DCDC1: variants seen among roughly 807,000 people sequenced by gnomAD.
The protein encoded by DCDC1 is doublecortin domain containing 1, also known as doublecortin domain-containing protein 1.
In DCDC1, 200 loss-of-function variants were observed where a neutral mutation model predicts 178.3. That is an observed-to-expected ratio of 1.12 (90% CI 1.00 to 1.26). The LOEUF (loss-of-function observed/expected upper bound fraction) is 1.26, where lower values mean the gene tolerates loss of function less well. Ranked by LOEUF, DCDC1 falls within the 50% of genes most tolerant of loss-of-function variation. DCDC1 has a pLI of 0.00. For synonymous variants in DCDC1, 690 were observed against 604.8 expected, an observed-to-expected ratio of 1.14 and a Z score of -2.07; for missense variants, 1,983 against 1,749.2, an observed-to-expected ratio of 1.13 and a Z score of -2.38.
At chr11:30,997,776 T>G (rs974497878) in intron 20 of DCDC1, among the ~76,000 whole-genome samples, 12 of 152,016 alleles carry the variant, frequency 7.9e-5, no homozygotes, top group Admixed American at 5.9e-4. Flanking sequence ...CATATCAGAA[T>G]AAACTCATGT....
chr11:31,306,128 G>T, intron 5 of DCDC1, 104 bp downstream of exon 5: 3 of 1,147,544 alleles, frequency 2.6e-6, no homozygotes, highest in Non-Finnish European at 3.4e-6. Context: ...GGTAGATTCA[G>T]ATTCTCAAAA....
At chr11:31,168,930 A>C (rs528205014) in intron 9 of DCDC1, among the ~76,000 whole-genome samples, 14 of 152,320 alleles carry the variant, frequency 9.2e-5, no homozygotes, top group Admixed American at 3.3e-4. Flanking sequence ...TTGAGTATTA[A>C]AAGAAGACTA....
At chr11:31,169,787 T>C (rs570031881) in intron 9 of DCDC1, among the ~76,000 whole-genome samples, 2 of 152,178 alleles carry the variant, frequency 1.3e-5, no homozygotes, top group Non-Finnish European at 2.9e-5. Context: ...AAGAGAAATG[T>C]ACACAAATCA....
rs959293096 is a variant in DCDC1, at chr11:30,864,330, C to T, written c.*1043G>A. The T allele has an allele frequency of 4.6e-5, 7 of 152,160 alleles. No individual in the cohort carries two copies. The highest frequency in any genetic ancestry group is 1.7e-4 in the African/African-American group (7 of 41,426). The allele number at this position is 152,160 out of a possible 1,614,324, so 9.4% of individuals were successfully genotyped here. A position where few individuals can be genotyped will look rare whatever the true frequency, so the allele number is the denominator to read the frequency against. Reference sequence around the variant, plus strand: ...GGGATTTGAAACCAATATGTATAATCATCAAAGATATATTTTAAGGATATA... The same window carrying T: ...GGGATTTGAAACCAATATGTATAATTATCAAAGATATATTTTAAGGATATA... On this transcript the variant is annotated 3_prime_UTR_variant, in exon 39 of 39. Coordinates refer to ENST00000684477, the MANE Select transcript of DCDC1 (RefSeq NM_001387274.1).
intron 20 of DCDC1, among the ~76,000 whole-genome samples, chr11:30,965,652 C>T (rs1424174135): frequency 1.4e-5 from 2 of 144,994 alleles, no homozygotes; most frequent in Non-Finnish European, 1.5e-5. Context: ...GCACATTGTG[C>T]AGGTTAGTTA....
rs1257866836 is a variant in DCDC1 at position 31,064,473 on chromosome 11, G to C, written c.2587C>G (p.Gln863Glu). Residue 863 changes from glutamine to glutamate, a missense_variant, in exon 20 of 39, where the codon CAG becomes GAG. Physicochemically the swap from Gln to Glu is conservative, Grantham distance 29. Coordinates refer to ENST00000684477, the MANE Select transcript of DCDC1 (RefSeq NM_001387274.1). ...LEEKHPKASA[Q>E]RWAIKHEGTS... is the part of the protein sequence containing the mutation. ...TCAGTTCTGTCAGTACCCTACCTCT[G>C]AGCAGAAGCCTTAGGATGTTTCTCT... is the stretch of plus-strand genomic sequence containing the variant. 4 of 765,194 alleles carry C rather than the reference G, an allele frequency of 5.2e-6. No homozygotes were observed. The highest frequency in any genetic ancestry group is 9.6e-6 in the Non-Finnish European group (4 of 417,122). 47.4% of individuals were successfully genotyped at this position (765,194 alleles called of 1,614,324 possible). A position where few individuals can be genotyped will look rare whatever the true frequency, so the allele number is the denominator to read the frequency against.
chr11:30,864,107 A>G lies in DCDC1; in HGVS notation c.*1266T>C, dbSNP rs904382234. On this transcript the variant is annotated 3_prime_UTR_variant, in exon 39 of 39. Transcript: ENST00000684477. ...GCGCCACTGAACTCCAGACTGGGCA[A>G]CAGAGTGAGACTCCATCTCAAAAAA... The G allele has an allele frequency of 6.6e-6, 1 of 152,148 alleles. No individual in the cohort carries two copies. The highest frequency in any genetic ancestry group is 1.5e-5 in the Non-Finnish European group (1 of 68,058). The allele number at this position is 152,148 out of a possible 1,614,324, so 9.4% of individuals were successfully genotyped here.
intron 1 of DCDC1, among the ~76,000 whole-genome samples, chr11:31,363,124 T>C (rs1050151915): frequency 4.6e-5 from 7 of 152,248 alleles, no homozygotes; most frequent in African/African-American, 1.7e-4. Flanking sequence ...AATTTGAGCA[T>C]AGTAATATTA....
At chr11:31,154,698 T>A (rs1050213202) in intron 9 of DCDC1, among the ~76,000 whole-genome samples, 3 of 152,144 alleles carry the variant, frequency 2.0e-5, no homozygotes, top group South Asian at 4.1e-4. Flanking sequence ...GTGCAATATA[T>A]AAATATAAAT....
chr11:31,206,015 T>G (rs906469279), intron 9 of DCDC1, among the ~76,000 whole-genome samples: 5 of 152,184 alleles, frequency 3.3e-5, no homozygotes, highest in African/African-American at 7.2e-5. Flanking sequence ...TTCCCACCTA[T>G]CACTGTCCCC....
At position 30,941,950 on chromosome 11, in the gene DCDC1, T is replaced by G. The variant is rs191614848; in HGVS notation, c.2716-9998A>C. 2.7e-3 allele frequency among the ~76,000 whole-genome samples: 414 copies of G among 152,302 alleles called. 3 individuals are homozygous for G. Among genetic ancestry groups the G allele is most frequent in the Non-Finnish European group, 4.8e-3 (324 of 68,032 alleles). On this transcript the variant is annotated intron_variant, in intron 21 of 38. Transcript: ENST00000684477. ...TATATTTTTACTAGAATATCTTGCT[T>G]GGTAAACATGTTAACAACAGCGACA...
intron 2 of DCDC1, among the ~76,000 whole-genome samples, chr11:31,332,660 T>C (rs186094441): frequency 1.3e-5 from 2 of 152,292 alleles, no homozygotes; most frequent in East Asian, 3.9e-4. Flanking sequence ...CAAGAGCAGG[T>C]TGTTCGGTTT....
intron 20 of DCDC1, among the ~76,000 whole-genome samples, chr11:31,031,113 CAT>C (rs774876889): frequency 9.9e-5 from 15 of 152,066 alleles, no homozygotes; most frequent in Admixed American, 1.3e-4. Flanking sequence ...ATATTGGAGA[CAT>C]GTGGATAGTT....
intron 20 of DCDC1, among the ~76,000 whole-genome samples, chr11:31,046,416 T>C (rs2135384308): frequency 6.6e-6 from 1 of 152,194 alleles, no homozygotes; most frequent in Non-Finnish European, 1.5e-5. Flanking sequence ...TTAGTAGCCA[T>C]ATATGATGTG....
At chr11:31,273,096 C>A (rs552399706) in intron 7 of DCDC1, among the ~76,000 whole-genome samples, 9 of 152,296 alleles carry the variant, frequency 5.9e-5, no homozygotes, top group South Asian at 2.1e-4. Flanking sequence ...CCTCCTAGGC[C>A]TCCAGGCTTG....
intron 15 of DCDC1, 119 bp downstream of exon 15, chr11:31,102,058 C>CAAAAAAAAAAA: frequency 2.2e-6 from 1 of 462,010 alleles, no homozygotes. Flanking sequence ...CCCTGGGTGA[C>CAAAAAAAAAAA]AGAGCAAGAC....
At chr11:31,160,433 C>G (rs1282251552) in intron 9 of DCDC1, among the ~76,000 whole-genome samples, 1 of 152,094 alleles carries the variant, frequency 6.6e-6, no homozygotes, top group Middle Eastern at 3.2e-3. Context: ...GCAGTTGACA[C>G]TCATTAATTG....
chr11:30,969,439 C>A (rs952577266), intron 20 of DCDC1, among the ~76,000 whole-genome samples: 19 of 152,124 alleles, frequency 1.2e-4, no homozygotes, highest in Admixed American at 5.9e-4. Context: ...TCCCTATAAC[C>A]TCCAGAGGTA....
At chr11:31,252,853 C>A (rs1944144259) in intron 8 of DCDC1, among the ~76,000 whole-genome samples, 1 of 151,834 alleles carries the variant, frequency 6.6e-6, no homozygotes, top group South Asian at 2.1e-4. Flanking sequence ...AGAAATGGAA[C>A]AAGCAGTGAC....
Sources: gnomAD v4.1 joint callset for allele counts (sites outside exome capture counted in the v4.1 genomes callset) on GRCh38, gnomAD v4.1.1 for gene constraint, MANE v1.5 for transcripts, NCBI Gene and HGNC (gene_info 2026-07-23, HGNC 2026-07-21) for gene names.